Variants in EPOR observed in about 807,000 individuals in gnomAD.
EPOR encodes erythropoietin receptor.
In EPOR, 20 loss-of-function variants were observed where a neutral mutation model predicts 34.3. That is an observed-to-expected ratio of 0.58 (90% CI 0.41 to 0.85). The LOEUF is 0.85. Ranked by LOEUF, EPOR falls within the 40% of genes least tolerant of loss-of-function variation. The pLI is 0.00. For synonymous variants in EPOR, 312 were observed against 299.0 expected (o/e 1.04, Z -0.45); for missense variants, 601 against 672.7 (o/e 0.89, Z 1.18).
Position 11,383,162 on chromosome 19 carries a change from A to G in EPOR, c.186T>C (p.Cys62=). 6.2e-7 allele frequency: 1 copy of G among 1,613,268 alleles called. No homozygotes were observed. The highest frequency in any genetic ancestry group is 1.7e-5 in the Admixed American group (1 of 60,026). Residue 62 remains cysteine (C), a synonymous_variant, in exon 2 of 8, where the codon TGT becomes TGC. Transcript: ENST00000222139. The surrounding 1 kb of genome is among the most constrained non-coding windows in gnomAD (Gnocchi z 4.9). The part of the protein sequence containing the change: ...CFTERLEDLV[C]FWEEAASAGV... Reference sequence around the variant, plus strand: ...CAGCGCTCGCCGCTTCCTCCCAGAAACACACCAAGTCCTCCAACCGCTCGG... The same window carrying G: ...CAGCGCTCGCCGCTTCCTCCCAGAAGCACACCAAGTCCTCCAACCGCTCGG...
Position 11,381,904 on chromosome 19 carries a change from C to G in EPOR, c.427+26G>C. On this transcript the variant is annotated intron_variant, in intron 3 of 7. Transcript: ENST00000222139. This position sits in a 1 kb window ranked among gnomAD's most constrained non-coding sequence, Gnocchi z 5.3. ...GAGGACTGAGACCCTCTCCTCCGAC[C>G]ACTCCTCCATTCCCAGAGCACTTAC... 1 of 1,614,236 alleles carries G rather than the reference C, an allele frequency of 6.2e-7. No individual in the cohort carries two copies.
chr19:11,382,923 C>T (rs1276906588), intron 2 of EPOR, 174 bp downstream of exon 2: 1 of 1,536,774 alleles, frequency 6.5e-7, no homozygotes, highest in Non-Finnish European at 8.7e-7. Flanking sequence ...AGTGTTCGCG[C>T]CCCGGCCCAT....
Position 11,384,169 on chromosome 19 carries a change from G to C in EPOR, c.39C>G (p.Gly13=). Residue 13 remains glycine, a synonymous_variant, in exon 1 of 8, where the codon GGC becomes GGG. Transcript: ENST00000222139. The part of the protein sequence containing the change: ...HLGASLWPQV[G]SLCLLLAGAA... ...CCCCAGCGAGCAGGAGACAAAGGGAGCCGACCTGGGGCCAGAGGGACGCCC... is the reference window on the plus strand; with the variant it reads ...CCCCAGCGAGCAGGAGACAAAGGGACCCGACCTGGGGCCAGAGGGACGCCC... The C allele has an allele frequency of 6.5e-7, 1 of 1,549,520 alleles. No individual in the cohort carries two copies. The highest frequency in any genetic ancestry group is 8.7e-7 in the Non-Finnish European group (1 of 1,146,784).
In EPOR at chr19:11,383,357, C is replaced by T; in HGVS notation, c.116-125G>A. 1 of 1,004,050 alleles carries T rather than the reference C, an allele frequency of 1.0e-6. No homozygotes were observed. The highest frequency in any genetic ancestry group is 1.7e-5 in the South Asian group (1 of 57,726). 62.2% of individuals were successfully genotyped at this position (1,004,050 alleles called of 1,614,324 possible). A position where few individuals can be genotyped will look rare whatever the true frequency, so the allele number is the denominator to read the frequency against. On this transcript the variant is annotated intron_variant, in intron 1 of 7. Transcript: ENST00000222139. The surrounding 1 kb of genome is among the most constrained non-coding windows in gnomAD (Gnocchi z 4.9). ...GAAAAAAGCCCCGCCCTGCCATCTTCCCAAGCGGGTCCCTTGGAGGGGTCC... is the reference window on the plus strand; with the variant it reads ...GAAAAAAGCCCCGCCCTGCCATCTTTCCAAGCGGGTCCCTTGGAGGGGTCC...
In EPOR at chr19:11,381,864, G is replaced by A. The variant is rs778995825; in HGVS notation, c.428-15C>T. 6 of 1,614,062 alleles carry A rather than the reference G, an allele frequency of 3.7e-6. No individual in the cohort carries two copies. In the African/African-American group the frequency reaches 8.0e-5, roughly 22 times the overall value. ...GTCTAGGAGCACTGCAGGCATGGGG[G>A]TTGGTCAGGTGGGCGAGGACTGAGA... On this transcript the variant is annotated splice_polypyrimidine_tract_variant and intron_variant, in intron 3 of 7. Coordinates refer to ENST00000222139, the MANE Select transcript of EPOR (RefSeq NM_000121.4). The surrounding 1 kb of genome is among the most constrained non-coding windows in gnomAD (Gnocchi z 5.3).
Position 11,383,062 on chromosome 19 carries a change from T to C in EPOR, c.251+35A>G, listed in dbSNP as rs1218386728. 1 of 1,348,022 alleles carries C rather than the reference T, an allele frequency of 7.4e-7. No individual in the cohort carries two copies. Among genetic ancestry groups the C allele is most frequent in the Non-Finnish European group, 1.1e-6 (1 of 946,364 alleles). The allele number at this position is 1,348,022 out of a possible 1,614,324, so 83.5% of individuals were successfully genotyped here. A position where few individuals can be genotyped will look rare whatever the true frequency, so the allele number is the denominator to read the frequency against. On this transcript the variant is annotated intron_variant, in intron 2 of 7. Coordinates refer to ENST00000222139, the MANE Select transcript of EPOR (RefSeq NM_000121.4). This position sits in a 1 kb window ranked among gnomAD's most constrained non-coding sequence, Gnocchi z 4.9. The stretch of plus-strand genomic sequence containing the variant: ...AGGGAGCTCTGCCCCACCCCCTCCC[T>C]CCGCCCTTGGAGGCACCCGCCGGAT...
intron 6 of EPOR, 60 bp downstream of exon 6, chr19:11,380,824 A>T (rs1968344335): frequency 2.2e-6 from 3 of 1,341,388 alleles, no homozygotes; most frequent in Non-Finnish European, 3.1e-6. Flanking sequence ...AGGTTTCCAT[A>T]GTGAAAGAGG....
Position 11,377,479 on chromosome 19 carries a change from C to G in EPOR, c.*505G>C, listed in dbSNP as rs1298859535. 4 of 453,988 alleles carry G rather than the reference C, an allele frequency of 8.8e-6. No individual in the cohort carries two copies. Among genetic ancestry groups the G allele is most frequent in the Non-Finnish European group, 1.8e-5 (4 of 226,840 alleles). 28.1% of individuals were successfully genotyped at this position (453,988 alleles called of 1,614,324 possible). A position where few individuals can be genotyped will look rare whatever the true frequency, so the allele number is the denominator to read the frequency against. On this transcript the variant is annotated 3_prime_UTR_variant, in exon 8 of 8. Transcript: ENST00000222139. ...GTAGAACAGGGGATCCATCTAAGTA[C>G]CCTAAGAGAAGGTAGAGCTACAGAC...
In EPOR at chr19:11,383,526, C is replaced by T. The variant is rs1479016853; in HGVS notation, c.116-294G>A. 2.8e-6 allele frequency: 1 copy of T among 354,768 alleles called. No individual in the cohort carries two copies. The highest frequency in any genetic ancestry group is 4.5e-5 in the Admixed American group (1 of 22,404). 22.0% of individuals were successfully genotyped at this position (354,768 alleles called of 1,614,324 possible). On this transcript the variant is annotated intron_variant, in intron 1 of 7. Transcript: ENST00000222139. This position sits in a 1 kb window ranked among gnomAD's most constrained non-coding sequence, Gnocchi z 4.9. ...GACCTCGAGCTCGGGACTGCCAGCCCCGCCCCAGCCTAGGACACGCGCGCG... is the reference window on the plus strand; with the variant it reads ...GACCTCGAGCTCGGGACTGCCAGCCTCGCCCCAGCCTAGGACACGCGCGCG...
chr19:11,384,047 G>C (rs1362155265), intron 1 of EPOR, 46 bp downstream of exon 1: 3 of 1,295,244 alleles, frequency 2.3e-6, no homozygotes, highest in South Asian at 1.3e-5. Flanking sequence ...CCCCAGCATG[G>C]TCCTGCAGGC....
chr19:11,383,996 G>A lies in EPOR; in HGVS notation c.115+97C>T. The A allele has an allele frequency of 1.1e-6, 1 of 869,676 alleles. No homozygotes were observed. The highest frequency in any genetic ancestry group is 1.9e-6 in the Non-Finnish European group (1 of 533,696). The allele number at this position is 869,676 out of a possible 1,614,324, so 53.9% of individuals were successfully genotyped here. A position where few individuals can be genotyped will look rare whatever the true frequency, so the allele number is the denominator to read the frequency against. On this transcript the variant is annotated intron_variant, in intron 1 of 7. Coordinates refer to ENST00000222139, the MANE Select transcript of EPOR (RefSeq NM_000121.4). The surrounding 1 kb of genome is among the most constrained non-coding windows in gnomAD (Gnocchi z 4.9). The stretch of plus-strand genomic sequence containing the variant: ...CCCCAGGACCCGGTCAGGAAGTCCA[G>A]AAACAGGCATGGCCCCCAGGACCTA...
chr19:11,382,166 C>G, intron 2 of EPOR, 61 bp from the exon 3 acceptor site: 1 of 1,393,892 alleles, frequency 7.2e-7, no homozygotes, highest in Non-Finnish European at 1.0e-6. Flanking sequence ...CATTGCCCGG[C>G]CTGTGGGGGG....
chr19:11,381,736 C>T lies in EPOR; in HGVS notation c.541G>A (p.Glu181Lys), dbSNP rs765009836. ...CCGTTGCCGGCCGAGACGTCCACCT[C>T]GTAGCGGATGTGAGACGTCATGGGT... ...ETPMTSHIRY[E>K]VDVSAGNGAG... Residue 181 changes from glutamate (E) to lysine (K), a missense_variant, in exon 4 of 8, where the codon GAG (glutamate) becomes AAG (lysine). Transcript: ENST00000222139. The surrounding 1 kb of genome is among the most constrained non-coding windows in gnomAD (Gnocchi z 5.3). 1.2e-6 allele frequency: 2 copies of T among 1,612,764 alleles called. No individual in the cohort carries two copies. The highest frequency in any genetic ancestry group is 8.5e-7 in the Non-Finnish European group (1 of 1,179,548).
rs142190113 is a variant in EPOR, at chr19:11,379,471, C to T, written c.828-693G>A. ...ACGCCTGTAATCTCAGCTACTCAGG[C>T]GGTTGAGGCAGGAGAATCACTTGAA... On this transcript the variant is annotated intron_variant, in intron 6 of 7. Coordinates refer to ENST00000222139, the MANE Select transcript of EPOR (RefSeq NM_000121.4). Among the ~76,000 whole-genome samples the T allele has an allele frequency of 1.6e-3, 245 of 151,784 alleles. 1 individual carries two copies. The highest frequency in any genetic ancestry group is 5.7e-3 in the African/African-American group (235 of 41,382).
rs778302859 is a variant in EPOR, at chr19:11,378,407, A to G, written c.1104T>C (p.Tyr368=). The G allele has an allele frequency of 2.0e-5, 33 of 1,613,890 alleles. No individual in the cohort carries two copies. Among genetic ancestry groups the G allele is most frequent in the Non-Finnish European group, 2.8e-5 (33 of 1,180,026 alleles). The stretch of plus-strand genomic sequence containing the variant: ...GCAGCAACCATTTGTCCAGCACCAG[A>G]TAGGTATCCTGGGCATGCTCACTGC... The part of the protein sequence containing the change: ...PVGSEHAQDT[Y]LVLDKWLLPR... The change falls in exon 8 of 8, where the codon TAT becomes TAC. Residue 368 remains tyrosine, a synonymous_variant. Transcript: ENST00000222139. The surrounding 1 kb of genome is among the most constrained non-coding windows in gnomAD (Gnocchi z 5.3).
In EPOR at chr19:11,380,960, G is replaced by A; in HGVS notation, c.751C>T (p.Leu251Phe). The A allele has an allele frequency of 6.4e-7, 1 of 1,552,932 alleles. No homozygotes were observed. The highest frequency in any genetic ancestry group is 8.7e-7 in the Non-Finnish European group (1 of 1,147,500). ...AGGATGAGGGAGAGCGTCAGGATGA[G>A]GGGGTCCAGGTCTAAGAGGCGGGGA... is the stretch of plus-strand genomic sequence containing the variant. Reference protein sequence around the residue: ...SLLTPSDLDPLILTLSLILVV... With the variant: ...SLLTPSDLDPFILTLSLILVV... Residue 251 changes from leucine to phenylalanine, a missense_variant, in exon 6 of 8, where the codon CTC becomes TTC. Transcript: ENST00000222139.
rs948725779 is a variant in EPOR at position 11,383,962 on chromosome 19, C to T, written c.115+131G>A. ...GGACCCAGTCTAAGGGTTCAGATGCCAGCTTGGCCCCCAGGACCCGGTCAG... is the reference window on the plus strand; with the variant it reads ...GGACCCAGTCTAAGGGTTCAGATGCTAGCTTGGCCCCCAGGACCCGGTCAG... On this transcript the variant is annotated intron_variant, in intron 1 of 7. Transcript: ENST00000222139. This position sits in a 1 kb window ranked among gnomAD's most constrained non-coding sequence, Gnocchi z 4.9. The T allele has an allele frequency of 2.1e-6, 1 of 474,614 alleles. No homozygotes were observed. The allele number at this position is 474,614 out of a possible 1,614,324, so 29.4% of individuals were successfully genotyped here.
intron 2 of EPOR, chr19:11,382,857 G>C (rs553981043): frequency 6.6e-7 from 1 of 1,504,294 alleles, no homozygotes; most frequent in Non-Finnish European, 8.9e-7. Flanking sequence ...CCTCGATTTG[G>C]AGGCGTTGTT....
At chr19:11,382,929 C>A in intron 2 of EPOR, 168 bp downstream of exon 2, 4 of 1,540,538 alleles carry the variant, frequency 2.6e-6, no homozygotes, top group Non-Finnish European at 3.5e-6. Context: ...CGCGCCCCGG[C>A]CCATAGAGGG....
Sources: allele counts gnomAD v4.1 joint callset (sites outside exome capture counted in the v4.1 genomes callset), GRCh38; gene constraint gnomAD v4.1.1; non-coding constraint Gnocchi (gnomAD v3.1); transcripts MANE v1.5; gene names NCBI Gene and HGNC (gene_info 2026-07-23, HGNC 2026-07-21).